PTPRD: variants seen among roughly 807,000 people sequenced by gnomAD.
PTPRD encodes protein tyrosine phosphatase receptor type D, also known as receptor-type tyrosine-protein phosphatase delta.
PTPRD carries 34 observed loss-of-function variants against 214.5 expected under a neutral mutation model. The ratio of observed to expected loss-of-function variants is 0.16; its 90% CI spans 0.12 to 0.21. The LOEUF (loss-of-function observed/expected upper bound fraction) is 0.21. PTPRD is among the 10% of genes least tolerant of loss of function. PTPRD has a pLI of 1.00. For synonymous variants in PTPRD, 1,128 were observed against 845.7 expected (o/e 1.33, Z -5.79); for missense variants, 2,545 against 2,398.7 (o/e 1.06, Z -1.27).
intron 12 of PTPRD, among the ~76,000 whole-genome samples, chr9:8,705,582 T>G (rs372813601): frequency 6.6e-6 from 1 of 152,308 alleles, no homozygotes; most frequent in Admixed American, 6.5e-5. Flanking sequence ...TTAAAATTCA[T>G]AAGAAGCAAC....
intron 4 of PTPRD, among the ~76,000 whole-genome samples, chr9:9,970,369 G>A (rs1049929046): frequency 6.9e-6 from 1 of 145,776 alleles, no homozygotes; most frequent in Non-Finnish European, 1.5e-5. Flanking sequence ...AGAATGGCGT[G>A]AACCCGGGAG....
intron 5 of PTPRD, among the ~76,000 whole-genome samples, chr9:9,927,266 G>A (rs768526219): frequency 2.0e-5 from 3 of 152,182 alleles, no homozygotes; most frequent in South Asian, 2.1e-4. Context: ...CTCTTCGGGC[G>A]AACACTTAAA....
At chr9:10,155,995 T>A (rs1304553550) in intron 3 of PTPRD, among the ~76,000 whole-genome samples, 1 of 151,728 alleles carries the variant, frequency 6.6e-6, no homozygotes, top group Non-Finnish European at 1.5e-5. Context: ...CTCCTCAATT[T>A]TTTTTGGAAT....
intron 7 of PTPRD, among the ~76,000 whole-genome samples, chr9:9,715,977 A>G (rs1202315583): frequency 6.6e-6 from 1 of 152,084 alleles, no homozygotes; most frequent in Non-Finnish European, 1.5e-5. Flanking sequence ...AGCATTAGGT[A>G]TATGTCCTAA....
At chr9:9,049,916 C>T (rs1219862746) in intron 10 of PTPRD, among the ~76,000 whole-genome samples, 1 of 152,138 alleles carries the variant, frequency 6.6e-6, no homozygotes, top group African/African-American at 2.4e-5. Flanking sequence ...TTTGTAAAGC[C>T]ACAGTGACAT....
At chr9:8,535,773 A>G (rs2076784522) in intron 14 of PTPRD, among the ~76,000 whole-genome samples, 1 of 151,968 alleles carries the variant, frequency 6.6e-6, no homozygotes, top group African/African-American at 2.4e-5. Flanking sequence ...TGTTTGGGGA[A>G]AATGATATAA....
intron 14 of PTPRD, among the ~76,000 whole-genome samples, chr9:8,609,712 T>A (rs1028776389): frequency 3.3e-5 from 5 of 152,232 alleles, no homozygotes; most frequent in African/African-American, 7.2e-5. Context: ...TTATTTTTAC[T>A]AATAGCTGGT....
At chr9:9,301,455 A>G (rs1338893013) in intron 9 of PTPRD, among the ~76,000 whole-genome samples, 1 of 151,602 alleles carries the variant, frequency 6.6e-6, no homozygotes, top group African/African-American at 2.4e-5. Flanking sequence ...CTTACTTTAA[A>G]CAGTGAGAAG....
intron 4 of PTPRD, among the ~76,000 whole-genome samples, chr9:10,009,670 G>C (rs1021103540): frequency 6.9e-6 from 1 of 145,556 alleles, no homozygotes; most frequent in African/African-American, 2.5e-5. Context: ...GTCTCTTCAA[G>C]ATCAGAAAAA....
At chr9:10,578,246 C>A (rs561887323) in intron 2 of PTPRD, among the ~76,000 whole-genome samples, 1 of 152,148 alleles carries the variant, frequency 6.6e-6, no homozygotes, top group Non-Finnish European at 1.5e-5. Flanking sequence ...TCTCGAATGT[C>A]TCCTAAATTT....
chr9:9,862,343 A>T (rs1194198087), intron 5 of PTPRD, among the ~76,000 whole-genome samples: 1 of 152,246 alleles, frequency 6.6e-6, no homozygotes, highest in African/African-American at 2.4e-5. Flanking sequence ...TTAATGAAAG[A>T]TCTGCCCCAT....
intron 8 of PTPRD, among the ~76,000 whole-genome samples, chr9:9,450,423 C>A (rs748047389): frequency 1.3e-4 from 20 of 151,840 alleles, no homozygotes; most frequent in Non-Finnish European, 2.6e-4. Flanking sequence ...TCCATGCCAA[C>A]ATCTATTATT....
Position 9,693,457 on chromosome 9 carries a change from C to G in PTPRD, c.-287+41076G>C, listed in dbSNP as rs114467462. On this transcript the variant is annotated intron_variant, in intron 7 of 45. Transcript: ENST00000381196. ...ACCATAATTGTAAGTTTCCTCCCCCCGCCATGTGCAACTATGAGTCATTTA... is the reference window on the plus strand; with the variant it reads ...ACCATAATTGTAAGTTTCCTCCCCCGGCCATGTGCAACTATGAGTCATTTA... Among the ~76,000 whole-genome samples the G allele has an allele frequency of 2.6e-5, 4 of 152,090 alleles. No homozygotes were observed. In the South Asian group the frequency reaches 6.2e-4, roughly 24 times the overall value.
At chr9:8,990,372 C>T (rs2154346993) in intron 11 of PTPRD, among the ~76,000 whole-genome samples, 1 of 152,274 alleles carries the variant, frequency 6.6e-6, no homozygotes, top group South Asian at 2.1e-4. Flanking sequence ...TGTGCATCTG[C>T]TTGTACCGAA....
chr9:8,424,796 T>G (rs912695134), intron 35 of PTPRD, among the ~76,000 whole-genome samples: 10 of 152,064 alleles, frequency 6.6e-5, no homozygotes, highest in Admixed American at 2.0e-4. Context: ...AGCCACTGGT[T>G]GAAGTTTAGA....
chr9:9,486,689 C>T (rs142367431), intron 8 of PTPRD, among the ~76,000 whole-genome samples: 88 of 152,258 alleles, frequency 5.8e-4, no homozygotes, highest in African/African-American at 1.8e-3. Context: ...TCTTAAATAA[C>T]GTACAATCTT....
At chr9:8,479,924 G>A (rs72694704) in intron 30 of PTPRD, among the ~76,000 whole-genome samples, 311 of 151,864 alleles carry the variant, frequency 2.0e-3, no homozygotes, top group Non-Finnish European at 3.8e-3. Context: ...CACACTATCA[G>A]ACTCAGATTA....
chr9:9,888,715 T>C (rs149207236), intron 5 of PTPRD, among the ~76,000 whole-genome samples: 75 of 152,286 alleles, frequency 4.9e-4, no homozygotes, highest in African/African-American at 1.7e-3. Context: ...GCTTCTCATA[T>C]GGCTGAACCA....
intron 9 of PTPRD, among the ~76,000 whole-genome samples, chr9:9,381,488 G>A (rs577786711): frequency 6.6e-6 from 1 of 150,866 alleles, no homozygotes; most frequent in East Asian, 2.0e-4. Context: ...GGCCTCCTGT[G>A]TAGCTAGGAC....
Sources: allele counts gnomAD v4.1 joint callset (sites outside exome capture counted in the v4.1 genomes callset), GRCh38; gene constraint gnomAD v4.1.1; transcripts MANE v1.5; gene names NCBI Gene and HGNC (gene_info 2026-07-23, HGNC 2026-07-21).